The following SLC29A3 variants were observed in gnomAD, a reference collection of about 807,000 sequenced individuals.
SLC29A3 encodes solute carrier family 29 member 3, also known as equilibrative nucleoside transporter 3.
SLC29A3 carries 18 observed loss-of-function variants against 25.4 expected under a neutral mutation model. That is an observed-to-expected ratio of 0.71 (90% confidence interval 0.49 to 1.05). SLC29A3 has a LOEUF of 1.05. SLC29A3 is among the 50% of genes least tolerant of loss of function. SLC29A3 has a pLI of 0.00. For synonymous variants in SLC29A3, 258 were observed against 267.1 expected, an observed-to-expected ratio of 0.97 and a Z score of 0.33; for missense variants, 586 against 609.0, an observed-to-expected ratio of 0.96 and a Z score of 0.40.
At chr10:71,351,919 T>A in intron 4 of SLC29A3, 131 bp downstream of exon 4, 1 of 840,590 alleles carries the variant, frequency 1.2e-6, no homozygotes, top group Non-Finnish European at 1.9e-6. Flanking sequence ...TTCAGTCATC[T>A]AGTGTTGTAG....
intron 2 of SLC29A3, among the ~76,000 whole-genome samples, chr10:71,324,971 G>A (rs1260283813): frequency 1.3e-5 from 2 of 152,300 alleles, no homozygotes; most frequent in East Asian, 3.9e-4. Context: ...CCGTTTCCAC[G>A]GCTGCCCCAG....
intron 4 of SLC29A3, among the ~76,000 whole-genome samples, chr10:71,355,189 G>A (rs1234806896): frequency 6.6e-6 from 1 of 152,198 alleles, no homozygotes; most frequent in East Asian, 1.9e-4. Flanking sequence ...CGAGCAAACT[G>A]TAAAGTCAGA....
chr10:71,330,631 T>G (rs911082802), intron 2 of SLC29A3, among the ~76,000 whole-genome samples: 1 of 152,140 alleles, frequency 6.6e-6, no homozygotes, highest in Non-Finnish European at 1.5e-5. Context: ...CTGGCAGCAT[T>G]TACATAACGC....
intron 5 of SLC29A3, among the ~76,000 whole-genome samples, chr10:71,358,279 C>G (rs541111477): frequency 6.6e-6 from 1 of 152,170 alleles, no homozygotes; most frequent in South Asian, 2.1e-4. Context: ...CCCCTAGAAC[C>G]CCCAGCCTTT....
At chr10:71,326,879 C>T (rs560452435) in intron 2 of SLC29A3, among the ~76,000 whole-genome samples, 2 of 152,188 alleles carry the variant, frequency 1.3e-5, no homozygotes, top group Admixed American at 6.5e-5. Context: ...ATTCATGGGC[C>T]GGGATTGGGA....
chr10:71,342,341 C>A (rs1319190381), intron 2 of SLC29A3, among the ~76,000 whole-genome samples: 1 of 152,198 alleles, frequency 6.6e-6, no homozygotes, highest in East Asian at 1.9e-4. Context: ...ATGGCCTGGC[C>A]TCAAGTCTGT....
chr10:71,332,181 T>C (rs989928286), intron 2 of SLC29A3, among the ~76,000 whole-genome samples: 3 of 151,124 alleles, frequency 2.0e-5, no homozygotes, highest in Non-Finnish European at 4.4e-5. Context: ...CACATTCTTA[T>C]TGTATCGCCG....
intron 3 of SLC29A3, among the ~76,000 whole-genome samples, chr10:71,347,711 CG>C (rs1175987775): frequency 6.6e-6 from 1 of 152,128 alleles, no homozygotes; most frequent in Non-Finnish European, 1.5e-5. Context: ...GAGACCTGTG[CG>C]GGTGAAGGGC....
At chr10:71,325,808 C>G (rs951640129) in intron 2 of SLC29A3, among the ~76,000 whole-genome samples, 1 of 152,108 alleles carries the variant, frequency 6.6e-6, no homozygotes, top group African/African-American at 2.4e-5. Flanking sequence ...TTCGAGCTAC[C>G]AAGCCCCTCG....
rs139473997 is a variant in SLC29A3 at position 71,345,309 on chromosome 10, T to C, written c.383+1018T>C. On this transcript the variant is annotated intron_variant, in intron 3 of 5. Transcript: ENST00000373189. ...GAGGTTCAGCTGTCATACTCTCTCC[T>C]GCAGTTGCAGTCAGATGGCAGCTGG... is the stretch of plus-strand genomic sequence containing the variant. Among the ~76,000 whole-genome samples the C allele has an allele frequency of 3.7e-3, 561 of 152,354 alleles. 3 individuals are homozygous for C. Among genetic ancestry groups the C allele is most frequent in the African/African-American group, 0.012 (513 of 41,578 alleles).
intron 4 of SLC29A3, among the ~76,000 whole-genome samples, chr10:71,378,223 G>A (rs189900219): frequency 3.9e-5 from 6 of 152,022 alleles, no homozygotes; most frequent in East Asian, 1.9e-4. Flanking sequence ...AAAAATATAC[G>A]ACCATATGAA....
intron 2 of SLC29A3, among the ~76,000 whole-genome samples, chr10:71,328,921 AGCATACTTGGGATCTGCCCTTGAAG>A (rs1846044914): frequency 6.6e-6 from 1 of 152,178 alleles, no homozygotes; most frequent in Non-Finnish European, 1.5e-5. Context: ...GAAGCAAGAT[AGCATACTTGGGATCTGCCCTTGAAG>A]GGCTGACCTC....
chr10:71,368,579 G>C (rs1321386076), intron 3 of SLC29A3, among the ~76,000 whole-genome samples: 1 of 152,206 alleles, frequency 6.6e-6, no homozygotes, highest in Non-Finnish European at 1.5e-5. Flanking sequence ...GGAAATCCAA[G>C]ACCCCAGACC....
In SLC29A3 at chr10:71,322,619, A is replaced by G. The variant is rs185468221; in HGVS notation, c.2-137A>G. On this transcript the variant is annotated intron_variant, in intron 1 of 5. Transcript: ENST00000373189. ...CCTGATCCTTAAAATGAAGCTCTCC[A>G]ACCAGGCTTTGGTGACTTTACAGAG... 1,720 of 1,016,746 alleles carry G rather than the reference A, an allele frequency of 1.7e-3. 30 individuals carry two copies. The Admixed American group carries it at 0.027, about 16-fold the overall frequency. The allele number at this position is 1,016,746 out of a possible 1,614,324, so 63.0% of individuals were successfully genotyped here.
chr10:71,365,203 C>T (rs775578080), downstream of SLC29A3: 1 of 151,990 alleles, frequency 6.6e-6, no homozygotes, highest in African/African-American at 2.4e-5. Context: ...TGGACTCCAG[C>T]CTGGGCAAAA....
chr10:71,377,049 A>C (rs779209796), intron 4 of SLC29A3, among the ~76,000 whole-genome samples: 5 of 152,012 alleles, frequency 3.3e-5, no homozygotes, highest in Non-Finnish European at 5.9e-5. Flanking sequence ...TACAGGCGTG[A>C]GCCACCGCGC....
At chr10:71,355,028 T>C (rs1846864247) in intron 4 of SLC29A3, among the ~76,000 whole-genome samples, 1 of 152,124 alleles carries the variant, frequency 6.6e-6, no homozygotes. Flanking sequence ...CAGAAAGACA[T>C]GTCTGCTGCC....
At chr10:71,327,980 A>G (rs1210090299) in intron 2 of SLC29A3, among the ~76,000 whole-genome samples, 1 of 152,066 alleles carries the variant, frequency 6.6e-6, no homozygotes, top group Non-Finnish European at 1.5e-5. Context: ...GCCCTTGGCC[A>G]AGAACAAAAC....
rs754468716 is a variant in SLC29A3, at chr10:71,322,980, G to C, written c.226G>C (p.Glu76Gln). The part of the protein sequence containing the change: ...LPWNFFITAK[E>Q]YWMFKLRNSS... ...ATGGAACTTCTTTATCACTGCCAAG[G>C]AGTACTGGATGTTCAAACTCCGCAA... The change falls in exon 2 of 6, where the codon GAG becomes CAG. Residue 76 changes from glutamate to glutamine, a missense_variant. Transcript: ENST00000373189. 1.2e-6 allele frequency: 2 copies of C among 1,614,156 alleles called. No homozygotes were observed. The highest frequency in any genetic ancestry group is 1.3e-5 in the African/African-American group (1 of 75,060).
Sources: gnomAD v4.1 joint callset for allele counts (sites outside exome capture counted in the v4.1 genomes callset) on GRCh38, gnomAD v4.1.1 for gene constraint, MANE v1.5 for transcripts, NCBI Gene and HGNC (gene_info 2026-07-23, HGNC 2026-07-21) for gene names.